Variants in ESRP1 observed in about 807,000 individuals in gnomAD.
ESRP1 encodes the protein RNA-binding motif protein 35A.
Under a neutral mutation model 81.7 loss-of-function variants are expected in ESRP1, and 33 were observed. That is an observed-to-expected ratio of 0.40 (90% CI 0.31 to 0.54). The LOEUF (loss-of-function observed/expected upper bound fraction) is 0.54, where lower values mean the gene tolerates loss of function less well. ESRP1 is among the 20% of genes least tolerant of loss of function. ESRP1 has a pLI of 0.41. For missense variants in ESRP1, 672 were observed against 833.1 expected (o/e 0.81, Z 2.38); for synonymous variants, 320 against 303.3 (o/e 1.06, Z -0.57).
rs1401400160 is a variant in ESRP1 at position 94,674,296 on chromosome 8, C to A, written c.1453-12C>A. On this transcript the variant is annotated splice_polypyrimidine_tract_variant and intron_variant, in intron 11 of 15. Coordinates refer to ENST00000433389, the MANE Select transcript of ESRP1 (RefSeq NM_017697.4). ...GTCTCCTTTTGTTTTTATTCTTCCC[C>A]CACACACTCAGGGCCGCCCATCAGG... 5 of 1,609,776 alleles carry A rather than the reference C, an allele frequency of 3.1e-6. No individual in the cohort carries two copies. Among genetic ancestry groups the A allele is most frequent in the Non-Finnish European group, 2.5e-6 (3 of 1,179,046 alleles).
Position 94,646,161 on chromosome 8 carries a change from T to A in ESRP1, c.376-7T>A. 6.5e-7 allele frequency: 1 copy of A among 1,539,940 alleles called. No individual in the cohort carries two copies. Among genetic ancestry groups the A allele is most frequent in the Non-Finnish European group, 8.9e-7 (1 of 1,117,602 alleles). On this transcript the variant is annotated splice_region_variant and splice_polypyrimidine_tract_variant and intron_variant, in intron 3 of 15. Transcript: ENST00000433389. ...TAGTTAACATTATCTACCTTGTCCTTCCTCAGAATGTACTATTACCTGAAT... is the reference window on the plus strand; with the variant it reads ...TAGTTAACATTATCTACCTTGTCCTACCTCAGAATGTACTATTACCTGAAT...
At chr8:94,680,091 T>G (rs1808814123) in intron 13 of ESRP1, among the ~76,000 whole-genome samples, 1 of 152,096 alleles carries the variant, frequency 6.6e-6, no homozygotes, top group South Asian at 2.1e-4. Context: ...CCGTTTTGCC[T>G]AGGCTGGTCT....
At chr8:94,701,950 T>C (rs950459294) in intron 15 of ESRP1, among the ~76,000 whole-genome samples, 2 of 152,212 alleles carry the variant, frequency 1.3e-5, no homozygotes, top group East Asian at 3.8e-4. Flanking sequence ...TCGTCATGCA[T>C]GCCTGTAGTC....
chr8:94,670,334 T>C (rs1266172659), intron 10 of ESRP1, among the ~76,000 whole-genome samples: 1 of 152,194 alleles, frequency 6.6e-6, no homozygotes, highest in African/African-American at 2.4e-5. Context: ...CTACACTAAT[T>C]TTCTATTCTT....
At chr8:94,672,381 A>G (rs114777507) in intron 11 of ESRP1, among the ~76,000 whole-genome samples, 2,398 of 152,288 alleles carry the variant, frequency 0.016, 76 homozygotes, top group African/African-American at 0.054. Context: ...ATTCTTCCAT[A>G]TGCAAATGTA....
chr8:94,682,928 A>ATTTTTTTTTTTTTTT (rs1238740355), intron 13 of ESRP1, among the ~76,000 whole-genome samples: 1 of 31,572 alleles, frequency 3.2e-5, no homozygotes, highest in African/African-American at 2.2e-4. Flanking sequence ...ATATATATAT[A>ATTTTTTTTTTTTTTT]TATATTTTTT....
chr8:94,655,087 G>T (rs141586350), intron 4 of ESRP1, among the ~76,000 whole-genome samples: 3,312 of 146,926 alleles, frequency 0.023, 99 homozygotes, highest in African/African-American at 0.075. Flanking sequence ...GTGTGTGTGT[G>T]TTTTGTTTTG....
At position 94,641,462 on chromosome 8, in the gene ESRP1, C is replaced by T. The variant is rs1817584413; in HGVS notation, c.132+12C>T. The T allele has an allele frequency of 2.5e-6, 4 of 1,613,792 alleles. No homozygotes were observed. The highest frequency in any genetic ancestry group is 3.4e-6 in the Non-Finnish European group (4 of 1,179,842). ...TGGCCAACAAGAAGGTATTTCTCCACATTTTCGTCTAAATGCAAGGAATGG... is the reference window on the plus strand; with the variant it reads ...TGGCCAACAAGAAGGTATTTCTCCATATTTTCGTCTAAATGCAAGGAATGG... On this transcript the variant is annotated intron_variant, in intron 1 of 15. Coordinates refer to ENST00000433389, the MANE Select transcript of ESRP1 (RefSeq NM_017697.4).
intron 12 of ESRP1, 95 bp from the exon 13 acceptor site, chr8:94,678,108 A>G: frequency 7.6e-7 from 1 of 1,315,518 alleles, no homozygotes; most frequent in East Asian, 2.3e-5. Context: ...TTTCTTTAAA[A>G]TGTGTAGATG....
In ESRP1 at chr8:94,694,433, G is replaced by A. The variant is rs149982526; in HGVS notation, c.1971+1606G>A. On this transcript the variant is annotated intron_variant, in intron 14 of 15. Transcript: ENST00000433389. ...ACCAGCCTGACCAACATGAAACCCC[G>A]TCTGTACTAAAAATACAAAAACTAG... Among the ~76,000 whole-genome samples, 984 of 152,134 alleles carry A rather than the reference G, an allele frequency of 6.5e-3. 6 individuals carry two copies. Among genetic ancestry groups the A allele is most frequent in the African/African-American group, 0.022 (912 of 41,522 alleles).
intron 14 of ESRP1, among the ~76,000 whole-genome samples, chr8:94,693,724 A>G (rs1051800220): frequency 2.0e-5 from 3 of 152,200 alleles, no homozygotes; most frequent in Admixed American, 6.5e-5. Flanking sequence ...TTTTCAGTAC[A>G]GCATTACAAG....
intron 13 of ESRP1, among the ~76,000 whole-genome samples, chr8:94,689,837 G>GTTTTT: frequency 3.9e-5 from 1 of 25,730 alleles, no homozygotes; most frequent in Middle Eastern, 0.016. Flanking sequence ...TTTTTTTTTT[G>GTTTTT]ATGGAGTCTT....
At chr8:94,668,316 T>C (rs1819126035) in intron 10 of ESRP1, 66 bp downstream of exon 10, 2 of 1,385,378 alleles carry the variant, frequency 1.4e-6, no homozygotes, top group South Asian at 1.5e-5. Flanking sequence ...CTGAAAATAG[T>C]CCTACATTGC....
chr8:94,663,989 C>T (rs779760461), intron 6 of ESRP1, among the ~76,000 whole-genome samples: 2 of 152,086 alleles, frequency 1.3e-5, no homozygotes, highest in Non-Finnish European at 2.9e-5. Flanking sequence ...TATTCTGATC[C>T]TAAATTCGGC....
intron 12 of ESRP1, among the ~76,000 whole-genome samples, chr8:94,675,252 A>C (rs2033075): frequency 0.46 from 70,714 of 152,108 alleles, 19,514 homozygotes; most frequent in South Asian, 0.68. Flanking sequence ...TTTTTCCTTT[A>C]AATAAGATGT....
chr8:94,673,992 G>A (rs1337103291), intron 11 of ESRP1, among the ~76,000 whole-genome samples: 1 of 152,138 alleles, frequency 6.6e-6, no homozygotes, highest in Non-Finnish European at 1.5e-5. Flanking sequence ...ACTAGTATAC[G>A]ATCCTATATT....
At chr8:94,694,896 A>G (rs1586257291) in intron 14 of ESRP1, among the ~76,000 whole-genome samples, 1 of 152,194 alleles carries the variant, frequency 6.6e-6, no homozygotes, top group Non-Finnish European at 1.5e-5. Context: ...GTGAGTTAGG[A>G]TTACATAGGA....
Position 94,678,200 on chromosome 8 carries a change from T to G in ESRP1, c.1652-3T>G. The G allele has an allele frequency of 6.2e-7, 1 of 1,613,820 alleles. No individual in the cohort carries two copies. The highest frequency in any genetic ancestry group is 8.5e-7 in the Non-Finnish European group (1 of 1,179,794). ...CTCAAAGAATCTCTCTTTGCATATC[T>G]AGGCCTGTCTCCTCCCTCCTACACA... On this transcript the variant is annotated splice_polypyrimidine_tract_variant and splice_region_variant and intron_variant, in intron 12 of 15. Transcript: ENST00000433389.
Position 94,701,340 on chromosome 8 carries a change from TA to T in ESRP1, c.*35+4381del, listed in dbSNP as rs145209796. Among the ~76,000 whole-genome samples, 1,148 of 151,700 alleles carry T rather than the reference TA, an allele frequency of 7.6e-3. 13 individuals carry two copies. The highest frequency in any genetic ancestry group is 0.026 in the African/African-American group (1,093 of 41,322). On this transcript the variant is annotated intron_variant, in intron 15 of 15. Transcript: ENST00000433389. ...GGCTATAGGATCAGGTAAAGAAAGC[TA>T]ACACCCACAGCGAGGTCTGGTAAAG...
Sources: gnomAD v4.1 joint callset for allele counts (sites outside exome capture counted in the v4.1 genomes callset) on GRCh38, gnomAD v4.1.1 for gene constraint, MANE v1.5 for transcripts, NCBI Gene and HGNC (gene_info 2026-07-23, HGNC 2026-07-21) for gene names.